IGSF21: variants seen among roughly 807,000 people sequenced by gnomAD.
IGSF21 encodes immunoglobulin superfamily member 21.
Under a neutral mutation model 46.8 loss-of-function variants are expected in IGSF21, and 28 were observed. The ratio of observed to expected loss-of-function variants is 0.60; its 90% CI spans 0.44 to 0.82. The LOEUF (loss-of-function observed/expected upper bound fraction) is 0.82, where lower values mean the gene tolerates loss of function less well. Ranked by LOEUF, IGSF21 falls within the 40% of genes least tolerant of loss-of-function variation. The pLI is 0.00. For synonymous variants in IGSF21, 284 were observed against 273.6 expected (o/e 1.04, Z -0.38); for missense variants, 624 against 665.5 (o/e 0.94, Z 0.69).
At chr1:18,221,920 C>G (rs867590843) in intron 1 of IGSF21, among the ~76,000 whole-genome samples, 2 of 152,156 alleles carry the variant, frequency 1.3e-5, no homozygotes, top group African/African-American at 2.4e-5. Context: ...CAGTTAGCAT[C>G]TGATACGGGG....
chr1:18,227,139 G>A (rs916720499), intron 1 of IGSF21, among the ~76,000 whole-genome samples: 9 of 152,186 alleles, frequency 5.9e-5, no homozygotes, highest in African/African-American at 2.2e-4. Context: ...GGTCTATAAT[G>A]GACTTCTCTA....
At chr1:18,257,707 C>G (rs1480557137) in intron 2 of IGSF21, among the ~76,000 whole-genome samples, 1 of 152,184 alleles carries the variant, frequency 6.6e-6, no homozygotes, top group Non-Finnish European at 1.5e-5. Context: ...CTACTGTGCA[C>G]CAGGTTCAGA....
Position 18,335,440 on chromosome 1 carries a change from G to C in IGSF21, c.424+430G>C, listed in dbSNP as rs928071570. On this transcript the variant is annotated intron_variant, in intron 4 of 9. Coordinates refer to ENST00000251296, the MANE Select transcript of IGSF21 (RefSeq NM_032880.5). This position sits in a 1 kb window ranked among gnomAD's most constrained non-coding sequence, Gnocchi z 4.8. ...CATGGCTGGGATTCAGAGCTCCTGG[G>C]TTCTCACCCTCTCCCCATGCCTCCA... Among the ~76,000 whole-genome samples, 2 of 152,206 alleles carry C rather than the reference G, an allele frequency of 1.3e-5. No individual in the cohort carries two copies. Among genetic ancestry groups the C allele is most frequent in the African/African-American group, 4.8e-5 (2 of 41,444 alleles).
At chr1:18,190,780 C>T (rs928698649) in intron 1 of IGSF21, among the ~76,000 whole-genome samples, 1 of 152,202 alleles carries the variant, frequency 6.6e-6, no homozygotes, top group African/African-American at 2.4e-5. Context: ...GCTTGTAAAA[C>T]ATGGCCAGCT....
chr1:18,300,172 G>T (rs2124574141), intron 3 of IGSF21, among the ~76,000 whole-genome samples: 1 of 152,354 alleles, frequency 6.6e-6, no homozygotes, highest in Middle Eastern at 3.4e-3. Flanking sequence ...CACCTTGGAA[G>T]TTGCTTTAAA....
chr1:18,126,233 C>A, intron 1 of IGSF21, among the ~76,000 whole-genome samples: 1 of 152,122 alleles, frequency 6.6e-6, no homozygotes, highest in East Asian at 1.9e-4. Flanking sequence ...TTGGCTCTTT[C>A]ACAGATGGGG....
intron 1 of IGSF21, among the ~76,000 whole-genome samples, chr1:18,146,926 C>A (rs1161868631): frequency 1.3e-5 from 2 of 152,194 alleles, no homozygotes; most frequent in African/African-American, 2.4e-5. Context: ...AAACACATGC[C>A]TTGTAGCAAA....
chr1:18,376,457 C>A, intron 7 of IGSF21, 62 bp downstream of exon 7: 1 of 1,176,092 alleles, frequency 8.5e-7, no homozygotes, highest in Non-Finnish European at 1.3e-6. Flanking sequence ...CGACCCAGCA[C>A]CAGCATTCCT....
intron 4 of IGSF21, among the ~76,000 whole-genome samples, chr1:18,355,712 T>C (rs1299677102): frequency 6.6e-6 from 1 of 152,092 alleles, no homozygotes; most frequent in Non-Finnish European, 1.5e-5. Flanking sequence ...TTGATCATCA[T>C]GGTGGACTTA....
rs577553363 is a variant in IGSF21 at position 18,288,712 on chromosome 1, G to A, written c.184-3154G>A. 7.1e-4 allele frequency among the ~76,000 whole-genome samples: 108 copies of A among 152,310 alleles called. 1 individual carries two copies. Among genetic ancestry groups the A allele is most frequent in the Admixed American group, 1.1e-3 (17 of 15,294 alleles). On this transcript the variant is annotated intron_variant, in intron 2 of 9. Transcript: ENST00000251296. ...GCTAGCCCGCTGGCCCCACCTGAGCGTGTCTGAGCCTCCCATTTCCTTTGC... is the reference window on the plus strand; with the variant it reads ...GCTAGCCCGCTGGCCCCACCTGAGCATGTCTGAGCCTCCCATTTCCTTTGC...
At chr1:18,160,900 C>A (rs959072604) in intron 1 of IGSF21, among the ~76,000 whole-genome samples, 2 of 152,102 alleles carry the variant, frequency 1.3e-5, no homozygotes, top group Non-Finnish European at 2.9e-5. Context: ...GTGGTGGTGG[C>A]CGTTCCTGGA....
chr1:18,191,148 G>A (rs1036173192), intron 1 of IGSF21, among the ~76,000 whole-genome samples: 8 of 152,110 alleles, frequency 5.3e-5, no homozygotes, highest in Admixed American at 2.6e-4. Flanking sequence ...CCCATTCCTC[G>A]TTAAGCACCC....
intron 4 of IGSF21, among the ~76,000 whole-genome samples, chr1:18,351,497 G>A (rs749896065): frequency 2.6e-5 from 4 of 152,166 alleles, no homozygotes; most frequent in African/African-American, 7.2e-5. Context: ...GGTTTTGCAC[G>A]CTGGGGGAAG....
At position 18,312,096 on chromosome 1, in the gene IGSF21, C is replaced by A. The variant is rs141531090; in HGVS notation, c.305+20109C>A. On this transcript the variant is annotated intron_variant, in intron 3 of 9. Coordinates refer to ENST00000251296, the MANE Select transcript of IGSF21 (RefSeq NM_032880.5). ...GTGTATCTCTGCCTAGGGGTGGGCA[C>A]GGCATCCTCACTTGTTTGCCCATCT... Among the ~76,000 whole-genome samples the A allele has an allele frequency of 4.5e-3, 684 of 152,262 alleles. 4 individuals carry two copies. The highest frequency in any genetic ancestry group is 0.016 in the African/African-American group (660 of 41,560).
Position 18,272,308 on chromosome 1 carries a change from A to AT in IGSF21, c.184-19557dup, listed in dbSNP as rs2085050434. Among the ~76,000 whole-genome samples the AT allele has an allele frequency of 2.3e-5, 3 of 127,874 alleles. No individual in the cohort carries two copies. In the Middle Eastern group the frequency reaches 0.012, roughly 528 times the overall value. The allele number at this position is 127,874 out of a possible 152,430, so 83.9% of individuals were successfully genotyped here. A position where few individuals can be genotyped will look rare whatever the true frequency, so the allele number is the denominator to read the frequency against. On this transcript the variant is annotated intron_variant, in intron 2 of 9. Transcript: ENST00000251296. ...AGAAGTATGAGAGCTACAATTCAAG[A>AT]TGAGATTGGGGGTGGGGTGGGGGGG...
At chr1:18,281,062 A>G (rs2085154098) in intron 2 of IGSF21, among the ~76,000 whole-genome samples, 1 of 150,912 alleles carries the variant, frequency 6.6e-6, no homozygotes, top group Non-Finnish European at 1.5e-5. Context: ...GAACTCCCTG[A>G]TGACCCCTCT....
chr1:18,352,891 C>A (rs2085972334), intron 4 of IGSF21, among the ~76,000 whole-genome samples: 1 of 152,290 alleles, frequency 6.6e-6, no homozygotes, highest in East Asian at 1.9e-4. Context: ...CCACTGGGAT[C>A]CTTCATGAAC....
chr1:18,120,469 G>A (rs1412519808), intron 1 of IGSF21, among the ~76,000 whole-genome samples: 5 of 152,184 alleles, frequency 3.3e-5, no homozygotes, highest in African/African-American at 1.2e-4. Flanking sequence ...TGGTAGAAAG[G>A]GAAGAGAACG....
At chr1:18,196,807 G>A (rs1463140189) in intron 1 of IGSF21, among the ~76,000 whole-genome samples, 4 of 152,112 alleles carry the variant, frequency 2.6e-5, no homozygotes, top group Non-Finnish European at 4.4e-5. Flanking sequence ...TCAAGCCCAG[G>A]CCTCTGCTGC....
Sources: allele counts gnomAD v4.1 joint callset (sites outside exome capture counted in the v4.1 genomes callset), GRCh38; gene constraint gnomAD v4.1.1; non-coding constraint Gnocchi (gnomAD v3.1); transcripts MANE v1.5; gene names NCBI Gene and HGNC (gene_info 2026-07-23, HGNC 2026-07-21).